The following VRK2 variants were observed in gnomAD, a reference collection of about 807,000 sequenced individuals.
The protein encoded by VRK2 is serine/threonine-protein kinase VRK2.
Under a neutral mutation model 57.6 loss-of-function variants are expected in VRK2, and 60 were observed. The observed-to-expected ratio is 1.04, with a 90% CI of 0.85 to 1.29. The LOEUF is 1.29. VRK2 is among the 50% of genes most tolerant of loss of function. VRK2 has a pLI of 0.00. For missense variants in VRK2, 705 were observed against 588.1 expected, an observed-to-expected ratio of 1.20 and a Z score of -2.06; for synonymous variants, 231 against 199.2, an observed-to-expected ratio of 1.16 and a Z score of -1.35.
chr2:58,099,169 G>T (rs1427446502), intron 7 of VRK2, among the ~76,000 whole-genome samples: 2 of 151,994 alleles, frequency 1.3e-5, no homozygotes, highest in East Asian at 3.9e-4. Flanking sequence ...AGTGTCACTT[G>T]GAGGAAGTTG....
chr2:57,999,123 A>C (rs541879392), intron 1 of VRK2, among the ~76,000 whole-genome samples: 1 of 152,308 alleles, frequency 6.6e-6, no homozygotes, highest in African/African-American at 2.4e-5. Context: ...GACACAGAAC[A>C]GTTTTAAAGG....
chr2:58,016,738 C>T (rs575067817), intron 1 of VRK2, among the ~76,000 whole-genome samples: 5 of 152,232 alleles, frequency 3.3e-5, no homozygotes, highest in South Asian at 2.1e-4. Context: ...TTATAGACAA[C>T]GTGTTTTCTA....
intron 1 of VRK2, among the ~76,000 whole-genome samples, chr2:57,929,504 C>T (rs1275763210): frequency 6.6e-6 from 1 of 152,142 alleles, no homozygotes; most frequent in Non-Finnish European, 1.5e-5. Context: ...GTCCAAGAAC[C>T]AAGGCCTGGA....
At chr2:58,116,648 C>A (rs1040056785) in intron 7 of VRK2, among the ~76,000 whole-genome samples, 2 of 152,174 alleles carry the variant, frequency 1.3e-5, no homozygotes, top group Non-Finnish European at 2.9e-5. Context: ...CCGTGATGGT[C>A]TATGGGGCTT....
chr2:58,065,331 A>G (rs1201871678), intron 2 of VRK2, among the ~76,000 whole-genome samples: 1 of 152,028 alleles, frequency 6.6e-6, no homozygotes. Context: ...CTGCATCACT[A>G]TAGATGTGGC....
intron 1 of VRK2, among the ~76,000 whole-genome samples, chr2:57,968,414 A>T (rs965720887): frequency 6.6e-6 from 1 of 152,118 alleles, no homozygotes; most frequent in Non-Finnish European, 1.5e-5. Flanking sequence ...AAAAAAATAG[A>T]TACTTATCAA....
intron 1 of VRK2, among the ~76,000 whole-genome samples, chr2:57,961,105 A>C (rs1431853297): frequency 6.6e-6 from 1 of 152,264 alleles, no homozygotes; most frequent in Non-Finnish European, 1.5e-5. Context: ...ACAAACAAAA[A>C]TACATATGTA....
At chr2:58,012,987 T>G (rs184558889) in intron 1 of VRK2, among the ~76,000 whole-genome samples, 10 of 152,320 alleles carry the variant, frequency 6.6e-5, no homozygotes, top group Admixed American at 6.5e-4. Context: ...TTACAAATTG[T>G]AACTTGGAAG....
At chr2:57,958,095 T>C (rs1266646894) in intron 1 of VRK2, among the ~76,000 whole-genome samples, 1 of 152,166 alleles carries the variant, frequency 6.6e-6, no homozygotes, top group Non-Finnish European at 1.5e-5. Flanking sequence ...TCTGGGATCC[T>C]GCCCTCTACC....
chr2:58,119,334 C>G (rs1223784893), intron 7 of VRK2, among the ~76,000 whole-genome samples: 1 of 143,886 alleles, frequency 6.9e-6, no homozygotes, highest in Non-Finnish European at 1.5e-5. Flanking sequence ...CCCATCTCTA[C>G]TAAAAATACA....
chr2:57,960,654 A>T (rs1365193634), intron 1 of VRK2, among the ~76,000 whole-genome samples: 3 of 152,206 alleles, frequency 2.0e-5, no homozygotes, highest in African/African-American at 7.2e-5. Context: ...TCCCACACAC[A>T]TACTGGGTGG....
intron 1 of VRK2, among the ~76,000 whole-genome samples, chr2:57,978,632 T>C (rs562191507): frequency 6.6e-6 from 1 of 150,692 alleles, no homozygotes; most frequent in South Asian, 2.1e-4. Flanking sequence ...TCAGGCCAAG[T>C]ATCTTTTTTT....
At chr2:57,963,238 T>A (rs1221341565) in intron 1 of VRK2, among the ~76,000 whole-genome samples, 1 of 152,184 alleles carries the variant, frequency 6.6e-6, no homozygotes, top group African/African-American at 2.4e-5. Context: ...CACTCCTAAT[T>A]AGCATTTTAT....
At chr2:57,951,316 G>T (rs1333505429) in intron 1 of VRK2, among the ~76,000 whole-genome samples, 1 of 152,148 alleles carries the variant, frequency 6.6e-6, no homozygotes. Context: ...GCAATCTCAT[G>T]ATAAAACTTG....
At chr2:58,028,908 ATATATATATATATATAT>A (rs1674027147) in intron 2 of VRK2, among the ~76,000 whole-genome samples, 4 of 37,446 alleles carry the variant, frequency 1.1e-4, no homozygotes, top group African/African-American at 3.8e-4. Flanking sequence ...AAATAAATAT[ATATATATATATATATAT>A]ATATATATAT....
chr2:58,101,486 G>C (rs990973103), intron 7 of VRK2, among the ~76,000 whole-genome samples: 3 of 151,572 alleles, frequency 2.0e-5, no homozygotes, highest in African/African-American at 7.3e-5. Context: ...TTAACGTCAG[G>C]TACAGTTTTA....
At chr2:58,003,212 G>A (rs1437227225) in intron 1 of VRK2, among the ~76,000 whole-genome samples, 1 of 151,976 alleles carries the variant, frequency 6.6e-6, no homozygotes, top group African/African-American at 2.4e-5. Flanking sequence ...TCACAGGAGG[G>A]CTTATTGCCC....
At position 58,159,337 on chromosome 2, in the gene VRK2, T is replaced by C; in HGVS notation, c.1183-12T>C. 2 of 1,580,794 alleles carry C rather than the reference T, an allele frequency of 1.3e-6. No homozygotes were observed. Among genetic ancestry groups the C allele is most frequent in the Non-Finnish European group, 1.7e-6 (2 of 1,166,432 alleles). On this transcript the variant is annotated splice_polypyrimidine_tract_variant and intron_variant, in intron 12 of 12. Coordinates refer to ENST00000340157, the MANE Select transcript of VRK2 (RefSeq NM_006296.7). ...TCTAACAAACTAAACTATATATGTA[T>C]TTTTTCCATAGGAAAGCACAAGGAG... is the stretch of plus-strand genomic sequence containing the variant.
In VRK2 at chr2:58,131,441, G is replaced by A. The variant is rs2304642; in HGVS notation, c.677-367G>A. On this transcript the variant is annotated intron_variant, in intron 8 of 12. Transcript: ENST00000340157. ...TCCTGGAACATATGTTAGTAATTTA[G>A]CTGCAGACATTTATTTCTTTGTTTT... Among the ~76,000 whole-genome samples the A allele has an allele frequency of 1.6e-3, 242 of 152,054 alleles. 4 individuals are homozygous for A. The East Asian group carries it at 0.036, about 23-fold the overall frequency.
Sources: allele counts gnomAD v4.1 joint callset (sites outside exome capture counted in the v4.1 genomes callset), GRCh38; gene constraint gnomAD v4.1.1; transcripts MANE v1.5; gene names NCBI Gene and HGNC (gene_info 2026-07-23, HGNC 2026-07-21).